Variants in AHCTF1 observed in about 807,000 individuals in gnomAD.
AHCTF1 encodes the protein protein ELYS.
In AHCTF1, 24 loss-of-function variants were observed where a neutral mutation model predicts 248.4. That is an observed-to-expected ratio of 0.10 (90% confidence interval 0.07 to 0.14). AHCTF1 has a LOEUF of 0.14. Among genes scored for constraint, AHCTF1 ranks in the 10% least tolerant of loss-of-function variants. The pLI is 1.00. For synonymous variants in AHCTF1, 786 were observed against 929.8 expected (o/e 0.85, Z 2.81); for missense variants, 2,206 against 2,636.2 (o/e 0.84, Z 3.57).
intron 24 of AHCTF1, among the ~76,000 whole-genome samples, chr1:246,868,210 C>T (rs1295832804): frequency 1.3e-5 from 2 of 151,010 alleles, no homozygotes; most frequent in Non-Finnish European, 2.9e-5. Context: ...CTCACTGCAA[C>T]CTCTGCCTGC....
rs146417813 is a variant in AHCTF1 at position 246,843,811 on chromosome 1, T to C, written c.6509A>G (p.Lys2170Arg). 1.7e-3 allele frequency: 2,448 copies of C among 1,455,712 alleles called. 9 individuals are homozygous for C. In the Middle Eastern group the frequency reaches 0.019, roughly 11 times the overall value. The allele number at this position is 1,455,712 out of a possible 1,614,324, so 90.2% of individuals were successfully genotyped here. A position where few individuals can be genotyped will look rare whatever the true frequency, so the allele number is the denominator to read the frequency against. Residue 2170 changes from lysine (K) to arginine (R), a missense_variant, in exon 34 of 36, where the codon AAG becomes AGG. Coordinates refer to ENST00000648844, the MANE Select transcript of AHCTF1 (RefSeq NM_001323342.2). ...ATTTCTTACCAGTTCATCTTCAAGC[T>C]TGTTCTTATTGGATGTGTTTTTTTG... ...SRQKNTSNKN[K>R]LEDELKDDAQ...
At chr1:246,914,666 A>T (rs1666021966) in intron 3 of AHCTF1, among the ~76,000 whole-genome samples, 1 of 152,166 alleles carries the variant, frequency 6.6e-6, no homozygotes, top group Non-Finnish European at 1.5e-5. Context: ...AAATAAACAT[A>T]ATGAGTGTAT....
At chr1:246,861,881 T>C in intron 28 of AHCTF1, 78 bp downstream of exon 28, 1 of 1,228,394 alleles carries the variant, frequency 8.1e-7, no homozygotes, top group Non-Finnish European at 1.1e-6. Context: ...AAAACTTGAT[T>C]TATCTAACTT....
At chr1:246,923,108 C>CAA (rs34474643) in intron 1 of AHCTF1, among the ~76,000 whole-genome samples, 8 of 111,882 alleles carry the variant, frequency 7.2e-5, no homozygotes, top group South Asian at 3.0e-4. Flanking sequence ...CAAATAATAC[C>CAA]AAAAAAAAAA....
chr1:246,903,831 C>G, intron 7 of AHCTF1, 118 bp downstream of exon 7: 2 of 785,734 alleles, frequency 2.5e-6, no homozygotes, highest in Non-Finnish European at 3.8e-6. Flanking sequence ...GAGCGAGACT[C>G]TGTCTCAAAA....
chr1:246,877,320 C>G lies in AHCTF1; in HGVS notation c.2661-18G>C, dbSNP rs1663047853. 1.3e-6 allele frequency: 2 copies of G among 1,541,116 alleles called. No individual in the cohort carries two copies. The highest frequency in any genetic ancestry group is 1.7e-6 in the Non-Finnish European group (2 of 1,147,872). On this transcript the variant is annotated intron_variant, in intron 21 of 35. Coordinates refer to ENST00000648844, the MANE Select transcript of AHCTF1 (RefSeq NM_001323342.2). ...CCATACACCTGAAAGCAGTATTTAT[C>G]AAAGTTTAGTTTTAGAAAAAGCTAT...
intron 1 of AHCTF1, among the ~76,000 whole-genome samples, chr1:246,924,316 A>C (rs2172796): frequency 6.6e-6 from 1 of 151,980 alleles, no homozygotes; most frequent in African/African-American, 2.4e-5. Flanking sequence ...TCATACAATA[A>C]TCTCTATGAA....
In AHCTF1 at chr1:246,903,939, G is replaced by C; in HGVS notation, c.966+10C>G. 6.2e-7 allele frequency: 1 copy of C among 1,601,054 alleles called. No individual in the cohort carries two copies. The highest frequency in any genetic ancestry group is 8.6e-7 in the Non-Finnish European group (1 of 1,168,854). On this transcript the variant is annotated intron_variant, in intron 7 of 35. Coordinates refer to ENST00000648844, the MANE Select transcript of AHCTF1 (RefSeq NM_001323342.2). ...TGGTAATATAAACCCATAGTCCAAT[G>C]ACCATTTACCTCATATAAGATTTGT...
At chr1:246,931,374 C>T in intron 1 of AHCTF1, 1 of 1,515,802 alleles carries the variant, frequency 6.6e-7, no homozygotes, top group Non-Finnish European at 8.8e-7. Flanking sequence ...AGCCCGGCGC[C>T]CGCGAGCCTG....
At chr1:246,869,796 C>T (rs754575175) in intron 24 of AHCTF1, among the ~76,000 whole-genome samples, 1 of 152,042 alleles carries the variant, frequency 6.6e-6, no homozygotes. Context: ...TACAGGGAGA[C>T]GAATGCTGTT....
chr1:246,895,285 G>A (rs1664492604), intron 13 of AHCTF1, among the ~76,000 whole-genome samples: 1 of 152,118 alleles, frequency 6.6e-6, no homozygotes, highest in African/African-American at 2.4e-5. Context: ...GTAAGTGAAT[G>A]TCCTTATTCT....
chr1:246,891,092 T>C, intron 15 of AHCTF1, 32 bp from the exon 16 acceptor site: 2 of 1,428,790 alleles, frequency 1.4e-6, no homozygotes, highest in Non-Finnish European at 1.9e-6. Flanking sequence ...AGTTGTTTAC[T>C]TACAAAAAAA....
chr1:246,886,924 C>G (rs1173262007), intron 20 of AHCTF1, among the ~76,000 whole-genome samples: 2 of 152,148 alleles, frequency 1.3e-5, no homozygotes, highest in African/African-American at 2.4e-5. Context: ...ATGGTTCCCC[C>G]AACACCCCAA....
intron 6 of AHCTF1, among the ~76,000 whole-genome samples, chr1:246,904,538 T>C (rs1426339406): frequency 6.6e-6 from 1 of 152,212 alleles, no homozygotes; most frequent in South Asian, 2.1e-4. Flanking sequence ...TTACTTAAAA[T>C]GTAGAGGTTC....
rs372163053 is a variant in AHCTF1 at position 246,876,140 on chromosome 1, A to C, written c.2985T>G (p.Ser995=). The C allele has an allele frequency of 4.4e-6, 7 of 1,604,642 alleles. No individual in the cohort carries two copies. Among genetic ancestry groups the C allele is most frequent in the African/African-American group, 1.3e-5 (1 of 74,722 alleles). Residue 995 remains serine, a synonymous_variant, in exon 24 of 36, where the codon TCT becomes TCG. Transcript: ENST00000648844. ...GGATTTTTCCATACTGGTCTAATAT[A>C]GAATTTCGAGCCAGTGATCTCTCCC... The part of the protein sequence containing the change: ...RLRERSLARN[S]ILDQYGKILP...
In AHCTF1 at chr1:246,910,693, T is replaced by C. The variant is rs72766533; in HGVS notation, c.556+2539A>G. On this transcript the variant is annotated intron_variant, in intron 4 of 35. Transcript: ENST00000648844. ...CACTGTGCAAGAGCAGATTCTCTCA[T>C]TGTTATAAAGGGGGAAAAATCATAT... Among the ~76,000 whole-genome samples the C allele has an allele frequency of 3.0e-3, 462 of 152,300 alleles. 1 individual carries two copies. Among genetic ancestry groups the C allele is most frequent in the Non-Finnish European group, 5.8e-3 (392 of 68,016 alleles).
At chr1:246,856,785 G>C (rs534382479) in intron 30 of AHCTF1, among the ~76,000 whole-genome samples, 68 of 152,336 alleles carry the variant, frequency 4.5e-4, no homozygotes, top group Non-Finnish European at 7.2e-4. Flanking sequence ...CAGGCGTAAA[G>C]CATGTGATTT....
At position 246,867,774 on chromosome 1, in the gene AHCTF1, T is replaced by C. The variant is rs1199444499; in HGVS notation, c.3126A>G (p.Gln1042=). The C allele has an allele frequency of 1.2e-6, 2 of 1,612,830 alleles. No individual in the cohort carries two copies. Among genetic ancestry groups the C allele is most frequent in the Non-Finnish European group, 1.7e-6 (2 of 1,179,362 alleles). Residue 1042 remains glutamine, a synonymous_variant, in exon 25 of 36, where the codon CAA becomes CAG. Transcript: ENST00000648844. ...TTGTCAACACAGTTCCTGTTACAAC[T>C]TGCTTTGGAACTGCTGATAATGGTT... ...RPKPLSAVPK[Q]VVTGTVLTRS...
At chr1:246,907,524 CA>C (rs1558267907) in intron 5 of AHCTF1, 26 bp downstream of exon 5, 3 of 1,597,692 alleles carry the variant, frequency 1.9e-6, no homozygotes, top group South Asian at 2.2e-5. Flanking sequence ...TACCTATAAT[CA>C]AATAAGGGAA....
Sources: allele counts gnomAD v4.1 joint callset (sites outside exome capture counted in the v4.1 genomes callset), GRCh38; gene constraint gnomAD v4.1.1; transcripts MANE v1.5; gene names NCBI Gene and HGNC (gene_info 2026-07-23, HGNC 2026-07-21).